ARHGAP23: variants seen among roughly 807,000 people sequenced by gnomAD.
The protein encoded by ARHGAP23 is Rho GTPase activating protein 23.
ARHGAP23 carries 34 observed loss-of-function variants against 136.3 expected under a neutral mutation model. The ratio of observed to expected loss-of-function variants is 0.25; its 90% CI spans 0.19 to 0.33. The LOEUF is 0.33. Ranked by LOEUF, ARHGAP23 falls within the 10% of genes least tolerant of loss-of-function variation. The pLI is 1.00. For synonymous variants in ARHGAP23, 832 were observed against 920.5 expected, an observed-to-expected ratio of 0.90 and a Z score of 1.74; for missense variants, 1,808 against 2,139.0, an observed-to-expected ratio of 0.85 and a Z score of 3.05.
intron 2 of ARHGAP23, among the ~76,000 whole-genome samples, chr17:38,459,084 T>G (rs2039398771): frequency 6.6e-6 from 1 of 152,174 alleles, no homozygotes; most frequent in Non-Finnish European, 1.5e-5. Flanking sequence ...CGACTAGGGC[T>G]CTGCTCCCAT....
At chr17:38,455,811 A>G (rs2039310800) in intron 1 of ARHGAP23, among the ~76,000 whole-genome samples, 1 of 152,166 alleles carries the variant, frequency 6.6e-6, no homozygotes, top group Admixed American at 6.5e-5. Flanking sequence ...GAGATGGGAA[A>G]TCCGGGGGAT....
chr17:38,460,766 C>G (rs76546822), intron 2 of ARHGAP23, 139 bp from the exon 3 acceptor site: 2 of 1,517,256 alleles, frequency 1.3e-6, no homozygotes, highest in Non-Finnish European at 1.8e-6. Context: ...ACACCCCTCC[C>G]GCACCCTCCC....
chr17:38,470,258 C>T (rs1283753695), intron 10 of ARHGAP23, among the ~76,000 whole-genome samples: 2 of 152,248 alleles, frequency 1.3e-5, no homozygotes, highest in Non-Finnish European at 2.9e-5. Context: ...CTTCGCTACT[C>T]TATGTTTTCC....
At chr17:38,491,028 C>T (rs1278179650) in intron 19 of ARHGAP23, among the ~76,000 whole-genome samples, 1 of 152,220 alleles carries the variant, frequency 6.6e-6, no homozygotes, top group East Asian at 1.9e-4. Flanking sequence ...AAGCGATGCT[C>T]CTGCCTCAGC....
intron 11 of ARHGAP23, among the ~76,000 whole-genome samples, chr17:38,472,428 T>C (rs2039782642): frequency 6.6e-6 from 1 of 152,072 alleles, no homozygotes; most frequent in African/African-American, 2.4e-5. Flanking sequence ...CCAAAAGCTC[T>C]CGGGGGCTCT....
intron 1 of ARHGAP23, among the ~76,000 whole-genome samples, chr17:38,420,248 G>A (rs190383065): frequency 6.6e-6 from 1 of 152,346 alleles, no homozygotes; most frequent in East Asian, 1.9e-4. Flanking sequence ...TCTAAGAGAA[G>A]CCAGCAGCCT....
chr17:38,433,149 AG>A (rs1434962640), intron 1 of ARHGAP23, among the ~76,000 whole-genome samples: 3 of 152,194 alleles, frequency 2.0e-5, no homozygotes, highest in African/African-American at 7.2e-5. Context: ...TTATAGAGAC[AG>A]GGTTTTGCCA....
chr17:38,495,901 C>G (rs1262510913), intron 20 of ARHGAP23, among the ~76,000 whole-genome samples: 1 of 137,566 alleles, frequency 7.3e-6, no homozygotes, highest in Non-Finnish European at 1.6e-5. Context: ...AATTTTTATT[C>G]ATTTATTTTT....
intron 16 of ARHGAP23, among the ~76,000 whole-genome samples, chr17:38,484,323 G>A (rs1400345428): frequency 6.6e-6 from 1 of 152,116 alleles, no homozygotes; most frequent in Non-Finnish European, 1.5e-5. Flanking sequence ...GTGGGGCAGC[G>A]TGAGGAGAGG....
intron 20 of ARHGAP23, among the ~76,000 whole-genome samples, chr17:38,495,295 G>A (rs1036675326): frequency 8.7e-5 from 13 of 149,498 alleles, no homozygotes; most frequent in African/African-American, 2.2e-4. Flanking sequence ...GCAACGGCGC[G>A]GTCTCCACTC....
chr17:38,481,649 C>A (rs2040045122), intron 14 of ARHGAP23, among the ~76,000 whole-genome samples: 1 of 152,108 alleles, frequency 6.6e-6, no homozygotes, highest in Non-Finnish European at 1.5e-5. Context: ...GTCCCAGCCA[C>A]TCGGGAGGCT....
intron 17 of ARHGAP23, 32 bp downstream of exon 17, chr17:38,486,172 G>A (rs1597826612): frequency 1.0e-5 from 16 of 1,530,376 alleles, no homozygotes; most frequent in East Asian, 7.3e-5. Context: ...GGCGGGGAGG[G>A]GACACCAGTC....
intron 23 of ARHGAP23, among the ~76,000 whole-genome samples, chr17:38,508,018 T>C (rs1306117538): frequency 6.6e-6 from 1 of 152,246 alleles, no homozygotes; most frequent in Non-Finnish European, 1.5e-5. Flanking sequence ...CTACAAGGCT[T>C]CCTGTGTTAA....
chr17:38,505,912 G>T (rs2040624899), intron 23 of ARHGAP23, among the ~76,000 whole-genome samples: 1 of 152,212 alleles, frequency 6.6e-6, no homozygotes. Context: ...CTTGGCAATA[G>T]AGTGAGACTC....
intron 20 of ARHGAP23, among the ~76,000 whole-genome samples, chr17:38,494,496 G>A (rs1019360975): frequency 2.0e-5 from 3 of 152,216 alleles, no homozygotes; most frequent in South Asian, 4.1e-4. Flanking sequence ...GGCTGAGGTG[G>A]GAGGCTGCAG....
chr17:38,496,952 G>GA (rs56999011), intron 20 of ARHGAP23, among the ~76,000 whole-genome samples: 15 of 145,610 alleles, frequency 1.0e-4, no homozygotes, highest in African/African-American at 2.8e-4. Context: ...GATTCTGTTG[G>GA]AAAAAAAAAA....
At chr17:38,437,795 A>AG (rs66692693) in intron 1 of ARHGAP23, among the ~76,000 whole-genome samples, 95,241 of 147,288 alleles carry the variant, frequency 0.65, 30,516 homozygotes, top group Middle Eastern at 0.72. Context: ...GGCATAACGA[A>AG]GGGGGGGGAG....
At chr17:38,461,895 A>G (rs1375947031) in intron 3 of ARHGAP23, among the ~76,000 whole-genome samples, 1 of 151,950 alleles carries the variant, frequency 6.6e-6, no homozygotes, top group African/African-American at 2.4e-5. Context: ...TGTGTGTGTG[A>G]GAATCTGCCT....
At chr17:38,421,579 G>A (rs190091806) in intron 1 of ARHGAP23, among the ~76,000 whole-genome samples, 64 of 152,358 alleles carry the variant, frequency 4.2e-4, no homozygotes, top group Admixed American at 2.0e-3. Flanking sequence ...GTGAGCCGCC[G>A]ATGTGTCTGT....
Sources: gnomAD v4.1 joint callset for allele counts (sites outside exome capture counted in the v4.1 genomes callset) on GRCh38, gnomAD v4.1.1 for gene constraint, MANE v1.5 for transcripts, NCBI Gene and HGNC (gene_info 2026-07-23, HGNC 2026-07-21) for gene names.